The following RAD17 variants were observed in gnomAD, a reference collection of about 807,000 sequenced individuals.
The protein encoded by RAD17 is RAD17 checkpoint clamp loader component.
RAD17 carries 31 observed loss-of-function variants against 81.5 expected under a neutral mutation model. The observed-to-expected ratio is 0.38, with a 90% CI of 0.29 to 0.51. The LOEUF is 0.51. Ranked by LOEUF, RAD17 falls within the 20% of genes least tolerant of loss-of-function variation. The pLI is 0.88. For missense variants in RAD17, 681 were observed against 781.2 expected, an observed-to-expected ratio of 0.87 and a Z score of 1.53; for synonymous variants, 261 against 266.2, an observed-to-expected ratio of 0.98 and a Z score of 0.19.
In RAD17 at chr5:69,389,243, A is replaced by G. The variant is rs1764398936; in HGVS notation, c.1006+98A>G. 7.8e-6 allele frequency: 5 copies of G among 640,780 alleles called. No individual in the cohort carries two copies. In the East Asian group the frequency reaches 1.5e-4, roughly 20 times the overall value. The allele number at this position is 640,780 out of a possible 1,614,324, so 39.7% of individuals were successfully genotyped here. A position where few individuals can be genotyped will look rare whatever the true frequency, so the allele number is the denominator to read the frequency against. On this transcript the variant is annotated intron_variant, in intron 12 of 18. Coordinates refer to ENST00000354868, the MANE Select transcript of RAD17 (RefSeq NM_133338.3). Reference sequence around the variant, plus strand: ...AAACATTTTAACTTACATTTGGTCTATACCTATTTATCCTTCTTTATTACT... The same window carrying G: ...AAACATTTTAACTTACATTTGGTCTGTACCTATTTATCCTTCTTTATTACT...
At position 69,410,527 on chromosome 5, in the gene RAD17, C is replaced by T. The variant is rs1206106181; in HGVS notation, c.1728C>T (p.Leu576=). ...CTTTTATCCAAGATATTGGAAGGCT[C>T]CCTCTGAAGCGACACTTTGGAAGGT... The part of the protein sequence containing the change: ...QISFIQDIGR[L]PLKRHFGRLK... The change falls in exon 18 of 19, where the codon CTC becomes CTT. Residue 576 remains leucine (L), a synonymous_variant. Coordinates refer to ENST00000354868, the MANE Select transcript of RAD17 (RefSeq NM_133338.3). The T allele has an allele frequency of 1.2e-6, 2 of 1,613,318 alleles. No homozygotes were observed. The highest frequency in any genetic ancestry group is 2.2e-5 in the East Asian group (1 of 44,824).
In RAD17 at chr5:69,393,167, C is replaced by G. The variant is rs1764648184; in HGVS notation, c.1202C>G (p.Thr401Arg). 1 of 1,602,522 alleles carries G rather than the reference C, an allele frequency of 6.2e-7. No individual in the cohort carries two copies. The highest frequency in any genetic ancestry group is 1.1e-5 in the South Asian group (1 of 89,146). ...KILYCKRASL[T>R]ELDSPRLPSH... The stretch of plus-strand genomic sequence containing the variant: ...AAATTTTTTATAGGAGCATCTTTAA[C>G]AGAATTAGACTCACCTCGGTTGCCC... The change falls in exon 14 of 19, where the codon ACA (threonine) becomes AGA (arginine). Residue 401 changes from threonine (T) to arginine (R), a missense_variant. Thr to Arg is a moderately conservative substitution (Grantham distance 71). Coordinates refer to ENST00000354868, the MANE Select transcript of RAD17 (RefSeq NM_133338.3).
intron 17 of RAD17, among the ~76,000 whole-genome samples, chr5:69,404,693 C>T (rs1184907762): frequency 2.0e-5 from 3 of 151,118 alleles, no homozygotes; most frequent in South Asian, 2.1e-4. Flanking sequence ...TGCTTGAACC[C>T]GGGAGGCGGA....
At chr5:69,393,072 A>C in intron 13 of RAD17, 83 bp from the exon 14 acceptor site, 1 of 905,938 alleles carries the variant, frequency 1.1e-6, no homozygotes, top group Non-Finnish European at 1.7e-6. Flanking sequence ...TGTATGTCTA[A>C]AATTTTCAAA....
chr5:69,384,885 A>C lies in RAD17; in HGVS notation c.597A>C (p.Gln199His). The C allele has an allele frequency of 6.2e-7, 1 of 1,613,172 alleles. No homozygotes were observed. Among genetic ancestry groups the C allele is most frequent in the Non-Finnish European group, 8.5e-7 (1 of 1,179,338 alleles). Residue 199 changes from glutamine to histidine, a missense_variant, in exon 8 of 19, where the codon CAA becomes CAC. By Grantham distance (24) the Gln-to-His change is conservative (BLOSUM62 0). Coordinates refer to ENST00000354868, the MANE Select transcript of RAD17 (RefSeq NM_133338.3). ...LLRATKYNKL[Q>H]MLGDDLRTDK... ...GAGCGACAAAGTATAACAAGTTACA[A>C]ATGCTTGGAGATGATCTGAGAACTG...
chr5:69,384,467 T>C (rs1251197435), intron 7 of RAD17, among the ~76,000 whole-genome samples: 1 of 152,012 alleles, frequency 6.6e-6, no homozygotes, highest in African/African-American at 2.4e-5. Flanking sequence ...GGCACAAGCC[T>C]CCACACCTGG....
Position 69,391,998 on chromosome 5 carries a change from A to T in RAD17, c.1174A>T (p.Ile392Phe). Reference protein sequence around the residue: ...SLFLFRALGKILYCKRASLTE... With the variant: ...SLFLFRALGKFLYCKRASLTE... The stretch of plus-strand genomic sequence containing the variant: ...GTTTCTCTTCAGAGCTTTGGGGAAA[A>T]TTCTATATTGTAAAAGTAAGAAATT... The change falls in exon 13 of 19, where the codon ATT (isoleucine) becomes TTT (phenylalanine). Residue 392 changes from isoleucine to phenylalanine, a missense_variant. Physicochemically the swap from Ile to Phe is conservative, Grantham distance 21. Transcript: ENST00000354868. The T allele has an allele frequency of 1.3e-6, 2 of 1,543,408 alleles. No homozygotes were observed. The highest frequency in any genetic ancestry group is 1.7e-6 in the Non-Finnish European group (2 of 1,154,536).
rs1285855041 is a variant in RAD17 at position 69,396,489 on chromosome 5, A to G, written c.1515A>G (p.Gly505=). Residue 505 remains glycine, a synonymous_variant, in exon 16 of 19, where the codon GGA becomes GGG. Coordinates refer to ENST00000354868, the MANE Select transcript of RAD17 (RefSeq NM_133338.3). ...NKARGYAHCQ[G]GGSSFRPLHK... The stretch of plus-strand genomic sequence containing the variant: ...CCCGAGGATATGCTCATTGCCAAGG[A>G]GGAGGATCAAGTTTTCGACCCTTGC... The G allele has an allele frequency of 1.2e-6, 2 of 1,613,140 alleles. No individual in the cohort carries two copies. The highest frequency in any genetic ancestry group is 1.7e-6 in the Non-Finnish European group (2 of 1,179,646).
chr5:69,386,528 A>C (rs1288932804), intron 11 of RAD17, 63 bp downstream of exon 11: 9 of 1,425,856 alleles, frequency 6.3e-6, no homozygotes, highest in Non-Finnish European at 6.5e-6. Flanking sequence ...AAATAGTATT[A>C]TGTAAACTGA....
intron 13 of RAD17, chr5:69,392,905 TGCATTA>T: frequency 2.1e-6 from 1 of 477,910 alleles, no homozygotes; most frequent in Non-Finnish European, 3.8e-6. Context: ...GAAATGGGAG[TGCATTA>T]GGAAATGGAA....
At position 69,400,150 on chromosome 5, in the gene RAD17, C is replaced by T; in HGVS notation, c.1674C>T (p.Thr558=). 2 of 1,550,030 alleles carry T rather than the reference C, an allele frequency of 1.3e-6. No individual in the cohort carries two copies. The highest frequency in any genetic ancestry group is 1.9e-5 in the Admixed American group (1 of 52,726). The change falls in exon 17 of 19, where the codon ACC becomes ACT. Residue 558 remains threonine (T), a synonymous_variant. Coordinates refer to ENST00000354868, the MANE Select transcript of RAD17 (RefSeq NM_133338.3). ...TATTGCCATACCTTGCTCTACTAAC[C>T]ATTCCAATGAGAAATCAAGGTAATA... ...TQLLPYLALL[T]IPMRNQAQIS...
chr5:69,407,567 T>G lies in RAD17; in HGVS notation c.1694-2926T>G, dbSNP rs942983629. Among the ~76,000 whole-genome samples the G allele has an allele frequency of 6.2e-5, 7 of 112,516 alleles. No homozygotes were observed. In the South Asian group the frequency reaches 1.3e-3, roughly 21 times the overall value. The allele number at this position is 112,516 out of a possible 152,430, so 73.8% of individuals were successfully genotyped here. A position where few individuals can be genotyped will look rare whatever the true frequency, so the allele number is the denominator to read the frequency against. ...ATATGTCAATCTATGTCCAAGTTTTTTTTTTTTTTTTTTTTTTTTTTTTTT... is the reference window on the plus strand; with the variant it reads ...ATATGTCAATCTATGTCCAAGTTTTGTTTTTTTTTTTTTTTTTTTTTTTTT... On this transcript the variant is annotated intron_variant, in intron 17 of 18. Transcript: ENST00000354868.
chr5:69,397,933 C>T (rs1195099261), intron 16 of RAD17, among the ~76,000 whole-genome samples: 2 of 151,884 alleles, frequency 1.3e-5, no homozygotes, highest in African/African-American at 2.4e-5. Context: ...CTGGCTAACA[C>T]GATGAAACCC....
chr5:69,414,491 A>AT lies in RAD17; in HGVS notation c.*205dup. ...GAAGATCAAGCCTTCAAATCTCTTA[A>AT]TTTTTTCGGTATTTATTAAATCTGT... On this transcript the variant is annotated 3_prime_UTR_variant, in exon 19 of 19. Transcript: ENST00000354868. The AT allele has an allele frequency of 3.0e-6, 2 of 675,624 alleles. No homozygotes were observed. 41.9% of individuals were successfully genotyped at this position (675,624 alleles called of 1,614,324 possible).
chr5:69,374,519 A>G, intron 5 of RAD17, 109 bp from the exon 6 acceptor site: 1 of 633,654 alleles, frequency 1.6e-6, no homozygotes, highest in Non-Finnish European at 2.7e-6. Flanking sequence ...ATAGATTGTT[A>G]CTGATTTGCT....
chr5:69,369,794 A>T, upstream of RAD17: 1 of 1,332,792 alleles, frequency 7.5e-7, no homozygotes, highest in Non-Finnish European at 1.0e-6. Flanking sequence ...TGCGCCGACC[A>T]GTCTGGAAGG....
intron 17 of RAD17, among the ~76,000 whole-genome samples, chr5:69,400,636 T>TA (rs1554043110): frequency 4.0e-5 from 6 of 151,680 alleles, no homozygotes; most frequent in Admixed American, 2.6e-4. Flanking sequence ...GTTTTTTTTT[T>TA]AAAACGCATC....
chr5:69,412,737 C>T (rs1307189419), intron 18 of RAD17, among the ~76,000 whole-genome samples: 1 of 151,982 alleles, frequency 6.6e-6, no homozygotes, highest in Non-Finnish European at 1.5e-5. Context: ...GCTTGTAATC[C>T]CAGCACTTTG....
intron 6 of RAD17, among the ~76,000 whole-genome samples, chr5:69,377,450 T>TATATATAC (rs1561238614): frequency 0.013 from 141 of 11,154 alleles, 5 homozygotes; most frequent in Non-Finnish European, 0.06. Flanking sequence ...TATATATATA[T>TATATATAC]ATATATATAT....
Sources: allele counts gnomAD v4.1 joint callset (sites outside exome capture counted in the v4.1 genomes callset), GRCh38; gene constraint gnomAD v4.1.1; transcripts MANE v1.5; gene names NCBI Gene and HGNC (gene_info 2026-07-23, HGNC 2026-07-21).